The following FERRY3 variants were observed in gnomAD, a reference collection of about 807,000 sequenced individuals.
FERRY3 encodes the protein protein C12orf4.
chr12:4,533,990 T>C, the FERRY3 span: 1 of 611,864 alleles, frequency 1.6e-6, no homozygotes, highest in Non-Finnish European at 2.5e-6. Flanking sequence ...TTGTCTTATG[T>C]GCTCACCCTG....
At chr12:4,527,622 C>G in the FERRY3 span, among the ~76,000 whole-genome samples, 1 of 152,162 alleles carries the variant, frequency 6.6e-6, no homozygotes, top group African/African-American at 2.4e-5. Context: ...ACCAAAATTT[C>G]GGGTCAACCT....
At chr12:4,520,115 C>T in the FERRY3 span, among the ~76,000 whole-genome samples, 1 of 152,184 alleles carries the variant, frequency 6.6e-6, no homozygotes, top group African/African-American at 2.4e-5. Flanking sequence ...AAAAAGAAAG[C>T]AGCTAAAATT....
chr12:4,521,149 A>G, the FERRY3 span, among the ~76,000 whole-genome samples: 2 of 152,174 alleles, frequency 1.3e-5, no homozygotes, highest in African/African-American at 4.8e-5. Flanking sequence ...TCACGAGATC[A>G]GGAGTTCAAG....
chr12:4,524,033 C>CTT, the FERRY3 span, among the ~76,000 whole-genome samples: 1 of 146,172 alleles, frequency 6.8e-6, no homozygotes, highest in African/African-American at 2.5e-5. Flanking sequence ...TAAGAGATAA[C>CTT]TTTTTTTTTT....
the FERRY3 span, among the ~76,000 whole-genome samples, chr12:4,507,798 A>C: frequency 1.3e-5 from 2 of 152,326 alleles, no homozygotes; most frequent in East Asian, 3.9e-4. Flanking sequence ...CAGAGTACAG[A>C]ATAGTGTTAT....
the FERRY3 span, chr12:4,505,422 A>G: frequency 7.4e-7 from 1 of 1,350,796 alleles, no homozygotes; most frequent in Admixed American, 1.8e-5. Context: ...ATAACAACAT[A>G]TGAGAATATG....
At chr12:4,513,414 A>C in the FERRY3 span, among the ~76,000 whole-genome samples, 1 of 151,654 alleles carries the variant, frequency 6.6e-6, no homozygotes, top group East Asian at 1.9e-4. Flanking sequence ...ATATGGAACC[A>C]AAAAAGAGCC....
At chr12:4,505,726 C>T in the FERRY3 span, among the ~76,000 whole-genome samples, 1 of 152,232 alleles carries the variant, frequency 6.6e-6, no homozygotes, top group African/African-American at 2.4e-5. Flanking sequence ...CCATATTAGA[C>T]ATGCCAGTAT....
the FERRY3 span, among the ~76,000 whole-genome samples, chr12:4,501,890 C>A: frequency 6.6e-6 from 1 of 152,200 alleles, no homozygotes; most frequent in Non-Finnish European, 1.5e-5. Flanking sequence ...ACGTTGGGGA[C>A]CACTAGTCTA....
chr12:4,525,442 A>T, the FERRY3 span: 1 of 1,600,880 alleles, frequency 6.2e-7, no homozygotes, highest in Non-Finnish European at 8.5e-7. Flanking sequence ...AAAACAAAAG[A>T]AAATGCAACT....
chr12:4,532,283 C>T, the FERRY3 span, among the ~76,000 whole-genome samples: 1 of 152,172 alleles, frequency 6.6e-6, no homozygotes, highest in Middle Eastern at 3.4e-3. Flanking sequence ...CAGCTCACTG[C>T]AGTCTTGGGG....
the FERRY3 span, among the ~76,000 whole-genome samples, chr12:4,491,990 G>A: frequency 1.0e-3 from 155 of 152,288 alleles, no homozygotes; most frequent in African/African-American, 3.6e-3. Context: ...TGAAGCAGGA[G>A]GATTGCTTGA....
chr12:4,490,679 G>A, the FERRY3 span: 2 of 1,012,294 alleles, frequency 2.0e-6, no homozygotes, highest in Non-Finnish European at 1.5e-6. Context: ...TTTTCACTGT[G>A]GGGCTTCATG....
the FERRY3 span, among the ~76,000 whole-genome samples, chr12:4,535,462 A>G: frequency 2.3e-4 from 35 of 152,368 alleles, no homozygotes; most frequent in South Asian, 7.2e-3. The surrounding 1 kb of genome is among the most constrained non-coding windows in gnomAD (Gnocchi z 4.0). Flanking sequence ...TGGGCTATAA[A>G]GTTTCTAGGT....
At chr12:4,516,100 TAA>T in the FERRY3 span, among the ~76,000 whole-genome samples, 3 of 152,204 alleles carry the variant, frequency 2.0e-5, no homozygotes, top group African/African-American at 4.8e-5. Flanking sequence ...TCATGCTACT[TAA>T]GACAGTCAAA....
chr12:4,525,424 C>A, the FERRY3 span: 6 of 1,597,484 alleles, frequency 3.8e-6, no homozygotes, highest in Admixed American at 1.8e-5. Flanking sequence ...CAAAAACAAA[C>A]AAACAAAAAA....
the FERRY3 span, among the ~76,000 whole-genome samples, chr12:4,527,714 G>A: frequency 7.2e-5 from 11 of 152,100 alleles, no homozygotes; most frequent in Non-Finnish European, 1.2e-4. Context: ...GAGGAATACA[G>A]CTTATTTTTC....
chr12:4,511,969 T>G, the FERRY3 span, among the ~76,000 whole-genome samples: 1 of 97,240 alleles, frequency 1.0e-5, no homozygotes, highest in Non-Finnish European at 2.0e-5. Context: ...TTTGAAAGGA[T>G]CAACAAAATT....
At chr12:4,534,310 AG>A in the FERRY3 span, 1 of 1,596,720 alleles carries the variant, frequency 6.3e-7, no homozygotes, top group African/African-American at 1.3e-5. Context: ...AGTCTGTTAC[AG>A]GGACATCAAA....
Sources: allele counts gnomAD v4.1 joint callset (sites outside exome capture counted in the v4.1 genomes callset), GRCh38; gene constraint gnomAD v4.1.1; non-coding constraint Gnocchi (gnomAD v3.1); transcripts MANE v1.5; gene names NCBI Gene and HGNC (gene_info 2026-07-23, HGNC 2026-07-21).